The following TIAM1 variants were observed in gnomAD, a reference collection of about 807,000 sequenced individuals.
TIAM1 encodes the protein rho guanine nucleotide exchange factor TIAM1.
In TIAM1, 65 loss-of-function variants were observed where a neutral mutation model predicts 163.5. The ratio of observed to expected loss-of-function variants is 0.40; its 90% CI spans 0.33 to 0.49. The LOEUF is 0.49. TIAM1 is among the 20% of genes least tolerant of loss of function. The pLI, the probability that TIAM1 is intolerant of heterozygous loss-of-function variation, is 0.77. For synonymous variants in TIAM1, 833 were observed against 810.1 expected (o/e 1.03, Z -0.48); for missense variants, 1,789 against 2,044.7 (o/e 0.87, Z 2.41).
At chr21:31,130,096 GAAAAAA>G in intron 25 of TIAM1, 111 bp downstream of exon 25, 2 of 555,676 alleles carry the variant, frequency 3.6e-6, no homozygotes, top group Admixed American at 3.0e-5. Flanking sequence ...TAAGCATAGG[GAAAAAA>G]AAAAAAAAAA....
intron 4 of TIAM1, among the ~76,000 whole-genome samples, chr21:31,262,597 A>T (rs941252441): frequency 6.6e-6 from 1 of 152,260 alleles, no homozygotes; most frequent in Non-Finnish European, 1.5e-5. Context: ...CATATGTGCC[A>T]CCATTCAAGA....
chr21:31,216,189 C>A (rs574394691), intron 9 of TIAM1, among the ~76,000 whole-genome samples: 3 of 151,530 alleles, frequency 2.0e-5, no homozygotes, highest in South Asian at 4.2e-4. Context: ...AAAACAAAAC[C>A]AAAAAACCAA....
chr21:31,227,203 C>T (rs534645088), intron 6 of TIAM1, among the ~76,000 whole-genome samples: 4 of 152,076 alleles, frequency 2.6e-5, no homozygotes, highest in South Asian at 2.1e-4. Context: ...GTGATCCACC[C>T]GCCTCGGCCT....
intron 2 of TIAM1, among the ~76,000 whole-genome samples, chr21:31,448,788 G>A (rs1275129186): frequency 6.6e-6 from 1 of 152,058 alleles, no homozygotes; most frequent in Non-Finnish European, 1.5e-5. Context: ...TACAAGACAG[G>A]ATGGCAAATC....
chr21:31,413,206 C>T (rs1489984902), intron 2 of TIAM1, among the ~76,000 whole-genome samples: 1 of 151,984 alleles, frequency 6.6e-6, no homozygotes, highest in Non-Finnish European at 1.5e-5. Flanking sequence ...CTCCCTTACT[C>T]CTGGCTTGTG....
intron 6 of TIAM1, among the ~76,000 whole-genome samples, chr21:31,236,021 C>G (rs1300229826): frequency 6.6e-6 from 1 of 152,206 alleles, no homozygotes; most frequent in Non-Finnish European, 1.5e-5. Context: ...TGAAATTTTC[C>G]AAGTCTCCCT....
chr21:31,332,257 T>A (rs987955515), intron 2 of TIAM1, among the ~76,000 whole-genome samples: 4 of 152,022 alleles, frequency 2.6e-5, no homozygotes, highest in African/African-American at 7.2e-5. Context: ...AAGAAACAAA[T>A]AAATAATGTG....
chr21:31,530,931 T>C (rs746759227), intron 1 of TIAM1, among the ~76,000 whole-genome samples: 8 of 152,100 alleles, frequency 5.3e-5, no homozygotes, highest in Admixed American at 5.2e-4. Flanking sequence ...GAAACAGGAC[T>C]GAACAGTCCT....
chr21:31,446,757 A>G (rs1447081793), intron 2 of TIAM1, among the ~76,000 whole-genome samples: 1 of 152,214 alleles, frequency 6.6e-6, no homozygotes, highest in Non-Finnish European at 1.5e-5. Flanking sequence ...CCAACCCACC[A>G]GAGCGTTTTC....
chr21:31,220,662 T>A (rs1040535345), intron 8 of TIAM1, among the ~76,000 whole-genome samples: 4 of 152,228 alleles, frequency 2.6e-5, no homozygotes, highest in African/African-American at 9.6e-5. Flanking sequence ...TAAGCAGTAA[T>A]TCTAAATTGC....
chr21:31,134,357 AG>A (rs1369212016), intron 23 of TIAM1, among the ~76,000 whole-genome samples: 4 of 152,200 alleles, frequency 2.6e-5, no homozygotes, highest in African/African-American at 7.2e-5. Context: ...TCACTATAGA[AG>A]AAACACAAGT....
intron 9 of TIAM1, among the ~76,000 whole-genome samples, chr21:31,215,773 C>T (rs1257823560): frequency 6.6e-6 from 1 of 152,122 alleles, no homozygotes; most frequent in East Asian, 1.9e-4. Flanking sequence ...GATCACAAGA[C>T]AAACTGCGAA....
chr21:31,514,879 G>C (rs1416088145), intron 1 of TIAM1, among the ~76,000 whole-genome samples: 1 of 152,230 alleles, frequency 6.6e-6, no homozygotes, highest in Admixed American at 6.5e-5. Flanking sequence ...GGACAAAGCA[G>C]ACTTTGTTCC....
chr21:31,165,788 C>T (rs1419246201), intron 15 of TIAM1, among the ~76,000 whole-genome samples: 1 of 152,116 alleles, frequency 6.6e-6, no homozygotes, highest in Admixed American at 6.5e-5. Context: ...ATAAGCCATA[C>T]TGAGAACAGT....
intron 3 of TIAM1, among the ~76,000 whole-genome samples, chr21:31,275,561 C>A (rs975186483): frequency 6.6e-6 from 1 of 152,156 alleles, no homozygotes; most frequent in South Asian, 2.1e-4. Context: ...TCTATGGCAG[C>A]GTTATTTGTA....
chr21:31,120,387 T>G lies in TIAM1; in HGVS notation c.4757A>C (p.Lys1586Thr), dbSNP rs765577068. ...VRREDFAPSR[K>T]LNTEI ...ACGCAGTCAGATCTCAGTGTTCAGTTTCCTGGAGGGGGCAAAGTCTTCACG... is the reference window on the plus strand; with the variant it reads ...ACGCAGTCAGATCTCAGTGTTCAGTGTCCTGGAGGGGGCAAAGTCTTCACG... The change falls in exon 28 of 28, where the codon AAA becomes ACA. Residue 1586 changes from lysine to threonine, a missense_variant. Transcript: ENST00000541036. This position sits in a 1 kb window ranked among gnomAD's most constrained non-coding sequence, Gnocchi z 4.2. 7 of 1,610,008 alleles carry G rather than the reference T, an allele frequency of 4.3e-6. No homozygotes were observed. In the African/African-American group the frequency reaches 8.0e-5, roughly 18 times the overall value.
intron 6 of TIAM1, among the ~76,000 whole-genome samples, chr21:31,230,023 T>C (rs946833173): frequency 5.9e-5 from 9 of 152,268 alleles, no homozygotes; most frequent in Admixed American, 2.0e-4. Flanking sequence ...CACGCAGCAC[T>C]AAGGAGAGGC....
At chr21:31,222,697 ATATATATATATTTTT>A (rs2087648910) in intron 8 of TIAM1, among the ~76,000 whole-genome samples, 3 of 36,506 alleles carry the variant, frequency 8.2e-5, no homozygotes, top group Non-Finnish European at 1.4e-4. Context: ...ATATATATAT[ATATATATATATTTTT>A]TTTTTTTTTT....
chr21:31,387,195 C>CTTTTTTTTTTTT (rs60592178), intron 2 of TIAM1, among the ~76,000 whole-genome samples: 8 of 75,160 alleles, frequency 1.1e-4, no homozygotes, highest in African/African-American at 2.8e-4. Flanking sequence ...AGCTTATTCT[C>CTTTTTTTTTTTT]TTTTTTTTTT....
Sources: gnomAD v4.1 joint callset for allele counts (sites outside exome capture counted in the v4.1 genomes callset) on GRCh38, gnomAD v4.1.1 for gene constraint, Gnocchi (gnomAD v3.1) non-coding constraint, MANE v1.5 for transcripts, NCBI Gene and HGNC (gene_info 2026-07-23, HGNC 2026-07-21) for gene names.